Variants in DBF4 observed in about 807,000 individuals in gnomAD.
The protein encoded by DBF4 is protein DBF4 homolog A.
A neutral mutation model predicts 76.6 loss-of-function variants in DBF4; 25 were observed. That is an observed-to-expected ratio of 0.33 (90% CI 0.24 to 0.46). DBF4 has a LOEUF of 0.46. Among genes scored for constraint, DBF4 ranks in the 20% least tolerant of loss-of-function variants. The pLI is 1.00. For synonymous variants in DBF4, 213 were observed against 258.0 expected, an observed-to-expected ratio of 0.83 and a Z score of 1.67; for missense variants, 638 against 760.8, an observed-to-expected ratio of 0.84 and a Z score of 1.90.
At chr7:87,894,846 T>C (rs574582707) in intron 6 of DBF4, among the ~76,000 whole-genome samples, 1 of 152,348 alleles carries the variant, frequency 6.6e-6, no homozygotes, top group South Asian at 2.1e-4. Context: ...TTTTTCTTTA[T>C]CTTTGGTTTC....
intron 6 of DBF4, among the ~76,000 whole-genome samples, chr7:87,893,104 T>G (rs1321180215): frequency 2.0e-5 from 3 of 152,240 alleles, no homozygotes; most frequent in Non-Finnish European, 4.4e-5. Flanking sequence ...GGCCTTGTTC[T>G]GTCCACTACT....
At chr7:87,878,364 A>G in intron 2 of DBF4, 139 bp downstream of exon 2, 1 of 678,880 alleles carries the variant, frequency 1.5e-6, no homozygotes, top group Non-Finnish European at 2.4e-6. Flanking sequence ...GTTTATCGTT[A>G]ACAAAAAACC....
Position 87,907,714 on chromosome 7 carries a change from A to G in DBF4, c.1576A>G (p.Ile526Val), listed in dbSNP as rs138055219. ...TCTCAAGGAAAAGGACCTTCATTCAATATTTACTCATGATTCTGGTCTGAT... is the reference window on the plus strand; with the variant it reads ...TCTCAAGGAAAAGGACCTTCATTCAGTATTTACTCATGATTCTGGTCTGAT... The part of the protein sequence containing the change: ...KDLKEKDLHS[I>V]FTHDSGLITI... The change falls in exon 12 of 12, where the codon ATA becomes GTA. Residue 526 changes from isoleucine (I) to valine (V), a missense_variant. Physicochemically the swap from Ile to Val is conservative, Grantham distance 29. Coordinates refer to ENST00000265728, the MANE Select transcript of DBF4 (RefSeq NM_006716.4). The G allele has an allele frequency of 4.0e-3, 6,457 of 1,614,072 alleles. 24 individuals carry two copies. The highest frequency in any genetic ancestry group is 4.2e-3 in the Non-Finnish European group (4,963 of 1,179,968).
intron 10 of DBF4, among the ~76,000 whole-genome samples, chr7:87,902,687 A>C (rs1252041449): frequency 2.0e-5 from 3 of 152,218 alleles, no homozygotes; most frequent in Non-Finnish European, 4.4e-5. Flanking sequence ...TTTCCTTCCC[A>C]GAACATTAAC....
At chr7:87,880,125 A>G (rs949784621) in intron 2 of DBF4, among the ~76,000 whole-genome samples, 4 of 152,302 alleles carry the variant, frequency 2.6e-5, no homozygotes, top group African/African-American at 4.8e-5. Context: ...CAGAAGTCCA[A>G]TGTGTAAAGC....
intron 2 of DBF4, among the ~76,000 whole-genome samples, chr7:87,881,013 C>A (rs940277518): frequency 6.6e-6 from 1 of 152,208 alleles, no homozygotes; most frequent in African/African-American, 2.4e-5. Context: ...CTTTAAATGG[C>A]ATAGATTCAA....
intron 10 of DBF4, among the ~76,000 whole-genome samples, chr7:87,903,910 GGTCTCAAACTCCT>G (rs1305829771): frequency 1.3e-4 from 19 of 151,972 alleles, no homozygotes; most frequent in Non-Finnish European, 1.0e-4. Flanking sequence ...TGGCCAAGCT[GGTCTCAAACTCCT>G]GACCTCGGGT....
chr7:87,876,828 C>A (rs746812225), intron 1 of DBF4, 50 bp downstream of exon 1: 2 of 1,596,052 alleles, frequency 1.3e-6, no homozygotes, highest in East Asian at 4.5e-5. Context: ...TTCCTCCCCT[C>A]GTGGTTCCAC....
Position 87,907,933 on chromosome 7 carries a change from A to G in DBF4, c.1795A>G (p.Arg599Gly), listed in dbSNP as rs1174837717. The change falls in exon 12 of 12, where the codon AGA (arginine) becomes GGA (glycine). Residue 599 changes from arginine (R) to glycine (G), a missense_variant. Coordinates refer to ENST00000265728, the MANE Select transcript of DBF4 (RefSeq NM_006716.4). The part of the protein sequence containing the change: ...NLEPNAEFDK[R>G]TEFITQEENR... Reference sequence around the variant, plus strand: ...GGAACCAAATGCTGAATTTGATAAAAGAACTGAATTTATTACACAAGAAGA... The same window carrying G: ...GGAACCAAATGCTGAATTTGATAAAGGAACTGAATTTATTACACAAGAAGA... 2 of 1,612,418 alleles carry G rather than the reference A, an allele frequency of 1.2e-6. No individual in the cohort carries two copies. Among genetic ancestry groups the G allele is most frequent in the Admixed American group, 3.4e-5 (2 of 59,686 alleles).
intron 7 of DBF4, 115 bp downstream of exon 7, chr7:87,896,625 T>G (rs979435026): frequency 3.5e-5 from 32 of 902,436 alleles, no homozygotes; most frequent in Non-Finnish European, 5.4e-5. Context: ...TTCTTCGTCT[T>G]TATAGAACAT....
rs117852897 is a variant in DBF4 at position 87,894,810 on chromosome 7, A to C, written c.598-1664A>C. On this transcript the variant is annotated intron_variant, in intron 6 of 11. Transcript: ENST00000265728. ...GGTATTCATTTATATCTACTGTATC[A>C]TTTTTCTCTGGCTGCTTTTAAGATT... Among the ~76,000 whole-genome samples, 31 of 151,966 alleles carry C rather than the reference A, an allele frequency of 2.0e-4. No homozygotes were observed. In the East Asian group the frequency reaches 2.3e-3, roughly 11 times the overall value.
intron 2 of DBF4, 175 bp downstream of exon 2, chr7:87,878,400 A>C: frequency 1.8e-6 from 1 of 552,068 alleles, no homozygotes; most frequent in Admixed American, 3.6e-5. Flanking sequence ...TTGTGGACTG[A>C]CAGACCTTTC....
chr7:87,887,779 C>T (rs1839393693), intron 5 of DBF4, among the ~76,000 whole-genome samples: 1 of 152,092 alleles, frequency 6.6e-6, no homozygotes, highest in South Asian at 2.1e-4. Flanking sequence ...TGAATTCCCT[C>T]TTAAAGGTCC....
Position 87,897,311 on chromosome 7 carries a change from C to G in DBF4, c.652C>G (p.Pro218Ala). 1 of 1,611,424 alleles carries G rather than the reference C, an allele frequency of 6.2e-7. No homozygotes were observed. Among genetic ancestry groups the G allele is most frequent in the Middle Eastern group, 1.7e-4 (1 of 6,050 alleles). Residue 218 changes from proline (P) to alanine (A), a missense_variant, in exon 8 of 12, where the codon CCT becomes GCT. Pro to Ala is a conservative substitution (Grantham distance 27, BLOSUM62 -1). Coordinates refer to ENST00000265728, the MANE Select transcript of DBF4 (RefSeq NM_006716.4). ...TTCTCAAGCAGGAAGACTCAAAAAG[C>G]CTTTTGTAAAGGTGGAAGATATGAG... ...QKTRTGRLKK[P>A]FVKVEDMSQL...
intron 6 of DBF4, among the ~76,000 whole-genome samples, chr7:87,889,281 T>TTA (rs1361089612): frequency 1.3e-5 from 2 of 151,346 alleles, no homozygotes; most frequent in African/African-American, 4.9e-5. Flanking sequence ...TGAACAATTT[T>TTA]TTTTTTTTTT....
rs2131076968 is a variant in DBF4 at position 87,904,389 on chromosome 7, A to G, written c.1022A>G (p.Tyr341Cys). 6.2e-7 allele frequency: 1 copy of G among 1,613,470 alleles called. No individual in the cohort carries two copies. The highest frequency in any genetic ancestry group is 2.2e-5 in the East Asian group (1 of 44,824). The change falls in exon 11 of 12, where the codon TAT becomes TGT. Residue 341 changes from tyrosine to cysteine, a missense_variant. Coordinates refer to ENST00000265728, the MANE Select transcript of DBF4 (RefSeq NM_006716.4). ...AAGTTAGTTTTTGACTTTGTGGAAT[A>G]TGAAAAGGACACACCTAAAAAGAAA... ...VSKLVFDFVE[Y>C]EKDTPKKKRI...
At chr7:87,883,072 A>T (rs1839256423) in intron 2 of DBF4, among the ~76,000 whole-genome samples, 2 of 152,318 alleles carry the variant, frequency 1.3e-5, no homozygotes, top group South Asian at 4.1e-4. Flanking sequence ...GGTTGTATAT[A>T]CATACAATAG....
intron 6 of DBF4, chr7:87,888,284 T>G (rs1839410854): frequency 2.0e-6 from 2 of 984,972 alleles, no homozygotes; most frequent in South Asian, 9.4e-5. Context: ...CAGCCCCCTT[T>G]TGTTACTGCT....
At chr7:87,881,361 T>C (rs1433111262) in intron 2 of DBF4, among the ~76,000 whole-genome samples, 1 of 152,220 alleles carries the variant, frequency 6.6e-6, no homozygotes, top group African/African-American at 2.4e-5. Context: ...TGAGCCAAGA[T>C]TGTGCCACTG....
Sources: allele counts gnomAD v4.1 joint callset (sites outside exome capture counted in the v4.1 genomes callset), GRCh38; gene constraint gnomAD v4.1.1; transcripts MANE v1.5; gene names NCBI Gene and HGNC (gene_info 2026-07-23, HGNC 2026-07-21).